Variants in CYB561A3 observed in about 807,000 individuals in gnomAD.
The protein encoded by CYB561A3 is cytochrome b561 family member A3.
Under a neutral mutation model 25.3 loss-of-function variants are expected in CYB561A3, and 16 were observed. The observed-to-expected ratio is 0.63, with a 90% CI of 0.43 to 0.96. The LOEUF is 0.96. Among genes scored for constraint, CYB561A3 ranks in the 40% least tolerant of loss-of-function variants. The pLI is 0.00. For missense variants in CYB561A3, 219 were observed against 307.5 expected (o/e 0.71, Z 2.15); for synonymous variants, 131 against 129.9 (o/e 1.01, Z -0.06).
intron 4 of CYB561A3, 173 bp from the exon 5 acceptor site, chr11:61,353,312 A>G (rs929441360): frequency 1.3e-6 from 1 of 798,214 alleles, no homozygotes; most frequent in Non-Finnish European, 1.9e-6. Context: ...CCTATTACCC[A>G]AGCAACAAGA....
chr11:61,355,211 G>A lies in CYB561A3; in HGVS notation c.185-1219C>T, dbSNP rs574782618. 5.9e-5 allele frequency among the ~76,000 whole-genome samples: 9 copies of A among 152,180 alleles called. No individual in the cohort carries two copies. The East Asian group carries it at 1.7e-3, about 29-fold the overall frequency. ...TCTCAATTTCCTCATCTGTAAAAGG[G>A]ATATAACAGAGCCCACCTCACAAAC... On this transcript the variant is annotated intron_variant, in intron 3 of 6. Coordinates refer to ENST00000294072, the MANE Select transcript of CYB561A3 (RefSeq NM_153611.6).
intron 4 of CYB561A3, 78 bp downstream of exon 4, chr11:61,353,706 T>C: frequency 7.0e-7 from 1 of 1,419,742 alleles, no homozygotes; most frequent in Non-Finnish European, 9.9e-7. Flanking sequence ...AGAGGAATAT[T>C]TGGTGCTCAT....
chr11:61,352,814 CT>C (rs1857476146), intron 5 of CYB561A3, 170 bp downstream of exon 5: 1 of 1,449,762 alleles, frequency 6.9e-7, no homozygotes, highest in Non-Finnish European at 9.0e-7. Flanking sequence ...TATCTGCTGA[CT>C]TACCAATTTC....
Position 61,353,154 on chromosome 11 carries a change from G to A in CYB561A3, c.394-15C>T. 1 of 1,591,978 alleles carries A rather than the reference G, an allele frequency of 6.3e-7. No individual in the cohort carries two copies. The highest frequency in any genetic ancestry group is 2.2e-5 in the East Asian group (1 of 44,814). ...CCCAGGAACCACTGTGGACAAAAGG[G>A]AGGACACACCCGACTGTGCTATGTG... is the stretch of plus-strand genomic sequence containing the variant. On this transcript the variant is annotated splice_polypyrimidine_tract_variant and intron_variant, in intron 4 of 6. Coordinates refer to ENST00000294072, the MANE Select transcript of CYB561A3 (RefSeq NM_153611.6).
In CYB561A3 at chr11:61,356,418, C is replaced by G. The variant is rs911052245; in HGVS notation, c.184+112G>C. 7.4e-6 allele frequency: 5 copies of G among 672,750 alleles called. 1 individual carries two copies. Among genetic ancestry groups the G allele is most frequent in the Non-Finnish European group, 1.1e-5 (5 of 440,800 alleles). 41.7% of individuals were successfully genotyped at this position (672,750 alleles called of 1,614,324 possible). On this transcript the variant is annotated intron_variant, in intron 3 of 6. Transcript: ENST00000294072. ...AGGCCCAGAGACAGCCCAACCCACC[C>G]TACCCCCATAGCCCCAAGCCCAACA...
intron 1 of CYB561A3, chr11:61,360,678 AG>A (rs1857821680): frequency 6.6e-6 from 1 of 152,204 alleles, no homozygotes; most frequent in African/African-American, 2.4e-5. Context: ...CCTTAGTCTT[AG>A]AAAAAGGCTC....
upstream of CYB561A3, chr11:61,362,202 T>C (rs893149109): frequency 6.6e-6 from 1 of 152,254 alleles, no homozygotes; most frequent in Non-Finnish European, 1.5e-5. Flanking sequence ...CTAAGTCAGC[T>C]AGCGGCGACG....
At chr11:61,361,579 C>T (rs939485853) in intron 1 of CYB561A3, among the ~76,000 whole-genome samples, 154 bp downstream of exon 1, 2 of 152,146 alleles carry the variant, frequency 1.3e-5, no homozygotes, top group Admixed American at 1.3e-4. Flanking sequence ...TTATAACCAC[C>T]GCGTTGGAAG....
chr11:61,349,625 G>T lies in CYB561A3; in HGVS notation c.*774C>A. 1 of 702,962 alleles carries T rather than the reference G, an allele frequency of 1.4e-6. No individual in the cohort carries two copies. Among genetic ancestry groups the T allele is most frequent in the Non-Finnish European group, 2.6e-6 (1 of 384,998 alleles). 43.5% of individuals were successfully genotyped at this position (702,962 alleles called of 1,614,324 possible). A position where few individuals can be genotyped will look rare whatever the true frequency, so the allele number is the denominator to read the frequency against. On this transcript the variant is annotated 3_prime_UTR_variant, in exon 7 of 7. Transcript: ENST00000294072. The stretch of plus-strand genomic sequence containing the variant: ...GTCACAGGGAAAGGCCGGGATCCAG[G>T]CCTCAGCTGTAGCAGCAGCTGGAAG...
intron 3 of CYB561A3, chr11:61,356,070 C>A (rs533042859): frequency 7.0e-6 from 1 of 143,774 alleles, no homozygotes; most frequent in Non-Finnish European, 1.5e-5. Flanking sequence ...CCAGCCTGGG[C>A]GACACAGCAA....
At chr11:61,352,455 T>C (rs1857460022) in intron 5 of CYB561A3, 1 of 158,868 alleles carries the variant, frequency 6.3e-6, no homozygotes, top group Non-Finnish European at 1.4e-5. Context: ...AGGTCAGGAG[T>C]CCGAGACCAG....
At chr11:61,356,423 C>A in intron 3 of CYB561A3, 107 bp downstream of exon 3, 1 of 801,040 alleles carries the variant, frequency 1.2e-6, no homozygotes, top group Non-Finnish European at 1.8e-6. Context: ...CCACCCTACC[C>A]CCATAGCCCC....
In CYB561A3 at chr11:61,356,708, C is replaced by T. The variant is rs1333892425; in HGVS notation, c.6G>A (p.Val2=). The change falls in exon 3 of 7, where the codon GTG becomes GTA. Residue 2 remains valine (V), a synonymous_variant. Transcript: ENST00000294072. Reference sequence around the variant, plus strand: ...GGCAGGACAAGTAGAACCGTCCAGACACCATTCTGATCACGCACTCCTAGA... The same window carrying T: ...GGCAGGACAAGTAGAACCGTCCAGATACCATTCTGATCACGCACTCCTAGA... M[V]SGRFYLSCLL... 2 of 1,614,048 alleles carry T rather than the reference C, an allele frequency of 1.2e-6. No homozygotes were observed. Among genetic ancestry groups the T allele is most frequent in the Admixed American group, 3.3e-5 (2 of 59,988 alleles).
intron 6 of CYB561A3, 133 bp from the exon 7 acceptor site, chr11:61,350,555 A>G (rs1157245474): frequency 8.8e-7 from 1 of 1,137,520 alleles, no homozygotes; most frequent in Non-Finnish European, 1.3e-6. Context: ...GGGAAGCCCC[A>G]AAGTCCCTGA....
rs1857492107 is a variant in CYB561A3, at chr11:61,353,055, C to T, written c.478G>A (p.Gly160Arg). ...SLLKPIHVFF[G>R]AAILSLSIAS... ...ATGGACAGAGAGAGGATGGCGGCTC[C>T]AAAAAAGACGTGGATAGGTTTTAGG... is the stretch of plus-strand genomic sequence containing the variant. The change falls in exon 5 of 7, where the codon GGA becomes AGA. Residue 160 changes from glycine (G) to arginine (R), a missense_variant. Coordinates refer to ENST00000294072, the MANE Select transcript of CYB561A3 (RefSeq NM_153611.6). 6.2e-7 allele frequency: 1 copy of T among 1,613,576 alleles called. No homozygotes were observed. Among genetic ancestry groups the T allele is most frequent in the African/African-American group, 1.3e-5 (1 of 74,832 alleles).
chr11:61,357,307 C>A (rs756285252), intron 2 of CYB561A3: 160 of 1,409,878 alleles, frequency 1.1e-4, no homozygotes, highest in Non-Finnish European at 1.5e-4. Context: ...GCCCACACTC[C>A]ACACCTTGAA....
rs1156912487 is a variant in CYB561A3, at chr11:61,350,978, C to G, written c.705+13G>C. ...CCCTGTCCCACCCTGGAATGTGGGACTGGAACCCATACCTGTCTGTCGGTC... is the reference window on the plus strand; with the variant it reads ...CCCTGTCCCACCCTGGAATGTGGGAGTGGAACCCATACCTGTCTGTCGGTC... On this transcript the variant is annotated intron_variant, in intron 6 of 6. Coordinates refer to ENST00000294072, the MANE Select transcript of CYB561A3 (RefSeq NM_153611.6). 6.2e-7 allele frequency: 1 copy of G among 1,610,216 alleles called. No homozygotes were observed. The highest frequency in any genetic ancestry group is 1.7e-5 in the Admixed American group (1 of 59,390).
chr11:61,350,457 C>T, intron 6 of CYB561A3, 35 bp from the exon 7 acceptor site: 1 of 1,609,292 alleles, frequency 6.2e-7, no homozygotes, highest in Non-Finnish European at 8.5e-7. Flanking sequence ...GAGTTAATGA[C>T]ATGATGCAGG....
At position 61,353,306 on chromosome 11, in the gene CYB561A3, T is replaced by C. The variant is rs1857505362; in HGVS notation, c.394-167A>G. On this transcript the variant is annotated intron_variant, in intron 4 of 6. Coordinates refer to ENST00000294072, the MANE Select transcript of CYB561A3 (RefSeq NM_153611.6). ...GTGCTAGCTTCCTCATTGTGGCCTA[T>C]TACCCAAGCAACAAGAACAGTAAAT... 7.0e-6 allele frequency: 6 copies of C among 854,852 alleles called. 1 individual carries two copies. The South Asian group carries it at 1.1e-4, about 16-fold the overall frequency. 53.0% of individuals were successfully genotyped at this position (854,852 alleles called of 1,614,324 possible).
Sources: allele counts gnomAD v4.1 joint callset (sites outside exome capture counted in the v4.1 genomes callset), GRCh38; gene constraint gnomAD v4.1.1; transcripts MANE v1.5; gene names NCBI Gene and HGNC (gene_info 2026-07-23, HGNC 2026-07-21).